Variants in CDH13 observed in about 807,000 individuals in gnomAD.
The protein encoded by CDH13 is cadherin-13.
A neutral mutation model predicts 63.8 loss-of-function variants in CDH13; 24 were observed. The ratio of observed to expected loss-of-function variants is 0.38; its 90% CI spans 0.27 to 0.53. CDH13 has a LOEUF of 0.53. Ranked by LOEUF, CDH13 falls within the 20% of genes least tolerant of loss-of-function variation. The pLI is 0.85. For synonymous variants in CDH13, 503 were observed against 355.3 expected (o/e 1.42, Z -4.67); for missense variants, 1,049 against 903.1 (o/e 1.16, Z -2.07).
intron 3 of CDH13, among the ~76,000 whole-genome samples, chr16:83,095,519 G>A (rs992523339): frequency 2.0e-5 from 3 of 152,100 alleles, no homozygotes; most frequent in African/African-American, 7.2e-5. Context: ...TAATAACTAT[G>A]TTATAATGCA....
intron 2 of CDH13, among the ~76,000 whole-genome samples, chr16:82,912,941 TAAA>T (rs761888655): frequency 3.9e-5 from 5 of 129,062 alleles, no homozygotes. Context: ...AGACTGTGAC[TAAA>T]AAAAAAAAAA....
chr16:82,643,629 A>C lies in CDH13; in HGVS notation c.45+16492A>C, dbSNP rs1299173950. ...TTCACGTTTGTTTTGCTGATTTGTAAAGTGAATTAAGAACCATCTTTTGCC... is the reference window on the plus strand; with the variant it reads ...TTCACGTTTGTTTTGCTGATTTGTACAGTGAATTAAGAACCATCTTTTGCC... On this transcript the variant is annotated intron_variant, in intron 1 of 13. Coordinates refer to ENST00000567109, the MANE Select transcript of CDH13 (RefSeq NM_001257.5). 1.3e-5 allele frequency among the ~76,000 whole-genome samples: 2 copies of C among 152,222 alleles called. 1 individual carries two copies. Among genetic ancestry groups the C allele is most frequent in the Non-Finnish European group, 2.9e-5 (2 of 68,042 alleles).
intron 1 of CDH13, among the ~76,000 whole-genome samples, chr16:82,648,339 G>A (rs1490586013): frequency 2.0e-5 from 3 of 152,220 alleles, no homozygotes; most frequent in Non-Finnish European, 4.4e-5. Context: ...TGCATTGTAT[G>A]TGAAATAGTA....
intron 7 of CDH13, among the ~76,000 whole-genome samples, chr16:83,571,409 G>GA (rs935800775): frequency 7.3e-5 from 11 of 150,624 alleles, no homozygotes; most frequent in East Asian, 1.9e-4. Flanking sequence ...TTCTTTAAAA[G>GA]AAAAAAAAAC....
At chr16:82,818,057 CTA>C (rs1258884136) in intron 1 of CDH13, among the ~76,000 whole-genome samples, 13 of 152,104 alleles carry the variant, frequency 8.5e-5, no homozygotes, top group East Asian at 7.7e-4. Flanking sequence ...ACATACATGA[CTA>C]TACGCACAAT....
In CDH13 at chr16:83,205,163, G is replaced by A. The variant is rs564047883; in HGVS notation, c.484-12182G>A. On this transcript the variant is annotated intron_variant, in intron 4 of 13. Coordinates refer to ENST00000567109, the MANE Select transcript of CDH13 (RefSeq NM_001257.5). ...CACCAGAGATTCCAGGAGCCACCTT[G>A]ACTTAAAGCAGAACAACCAAAGGCA... Among the ~76,000 whole-genome samples, 4 of 152,332 alleles carry A rather than the reference G, an allele frequency of 2.6e-5. No individual in the cohort carries two copies. In the South Asian group the frequency reaches 8.3e-4, roughly 32 times the overall value.
intron 6 of CDH13, among the ~76,000 whole-genome samples, chr16:83,379,932 T>TAGAG (rs1221020454): frequency 3.3e-3 from 286 of 86,284 alleles, no homozygotes; most frequent in Middle Eastern, 6.2e-3. Context: ...TATATATATA[T>TAGAG]ATATATAGAG....
At chr16:82,917,218 G>C (rs965243701) in intron 2 of CDH13, among the ~76,000 whole-genome samples, 1 of 152,218 alleles carries the variant, frequency 6.6e-6, no homozygotes, top group Admixed American at 6.5e-5. Context: ...GGGGCTAGCA[G>C]GTCCTGTGGA....
intron 5 of CDH13, among the ~76,000 whole-genome samples, chr16:83,233,567 A>G (rs900554779): frequency 2.0e-5 from 3 of 152,190 alleles, no homozygotes; most frequent in African/African-American, 7.2e-5. Flanking sequence ...GGAAGGGAGC[A>G]TCATTCTCCG....
chr16:82,866,793 C>T (rs559363740), intron 2 of CDH13, among the ~76,000 whole-genome samples: 72 of 152,090 alleles, frequency 4.7e-4, no homozygotes, highest in African/African-American at 1.6e-3. Flanking sequence ...GGAGAAGTGC[C>T]GAGATAAGGG....
At chr16:82,900,372 A>G (rs2041421070) in intron 2 of CDH13, among the ~76,000 whole-genome samples, 4 of 152,206 alleles carry the variant, frequency 2.6e-5, no homozygotes, top group African/African-American at 2.4e-5. Flanking sequence ...CTTTGGCACA[A>G]GAGTTTCAGT....
chr16:83,027,323 A>G (rs551329692), intron 2 of CDH13, among the ~76,000 whole-genome samples: 91 of 152,330 alleles, frequency 6.0e-4, no homozygotes, highest in Middle Eastern at 3.4e-3. Flanking sequence ...ACAGATTGAT[A>G]TAATATAAAA....
chr16:83,358,350 T>C (rs900411206), intron 6 of CDH13, among the ~76,000 whole-genome samples: 3 of 152,144 alleles, frequency 2.0e-5, no homozygotes, highest in African/African-American at 7.2e-5. Flanking sequence ...TGGCTAGAAC[T>C]CAAGCAGCCA....
At chr16:83,449,443 C>T (rs920470690) in intron 6 of CDH13, among the ~76,000 whole-genome samples, 1 of 152,212 alleles carries the variant, frequency 6.6e-6, no homozygotes, top group Non-Finnish European at 1.5e-5. Flanking sequence ...GCCCCAGATC[C>T]TGTTCTAATG....
chr16:82,712,738 G>T (rs908380463), intron 1 of CDH13, among the ~76,000 whole-genome samples: 1 of 152,134 alleles, frequency 6.6e-6, no homozygotes, highest in African/African-American at 2.4e-5. Flanking sequence ...TTATGTTCTT[G>T]ACTGTTCGCA....
At chr16:82,805,474 T>G (rs1449503300) in intron 1 of CDH13, among the ~76,000 whole-genome samples, 1 of 152,100 alleles carries the variant, frequency 6.6e-6, no homozygotes, top group Non-Finnish European at 1.5e-5. Flanking sequence ...TCTTGCAAAA[T>G]GCCAGAAGAG....
At chr16:83,072,920 A>G (rs1483710609) in intron 3 of CDH13, among the ~76,000 whole-genome samples, 2 of 152,160 alleles carry the variant, frequency 1.3e-5, no homozygotes, top group African/African-American at 4.8e-5. Context: ...TATTCCTTTT[A>G]AATATACATT....
chr16:82,936,327 C>T (rs2042666937), intron 2 of CDH13, among the ~76,000 whole-genome samples: 2 of 152,136 alleles, frequency 1.3e-5, no homozygotes, highest in African/African-American at 4.8e-5. Context: ...TGTGTAATTT[C>T]TTCTTAACTC....
intron 2 of CDH13, among the ~76,000 whole-genome samples, chr16:82,874,133 A>G (rs146945902): frequency 7.6e-4 from 115 of 152,296 alleles, no homozygotes; most frequent in African/African-American, 2.7e-3. Flanking sequence ...TTTCAATAGT[A>G]AAACATATGA....
Sources: gnomAD v4.1 joint callset for allele counts (sites outside exome capture counted in the v4.1 genomes callset) on GRCh38, gnomAD v4.1.1 for gene constraint, MANE v1.5 for transcripts, NCBI Gene and HGNC (gene_info 2026-07-23, HGNC 2026-07-21) for gene names.